The following PLXDC2 variants were observed in gnomAD, a reference collection of about 807,000 sequenced individuals.
PLXDC2 encodes plexin domain containing 2.
Under a neutral mutation model 68.9 loss-of-function variants are expected in PLXDC2, and 40 were observed. That is an observed-to-expected ratio of 0.58 (90% CI 0.45 to 0.76). The LOEUF (loss-of-function observed/expected upper bound fraction) is 0.76. Among genes scored for constraint, PLXDC2 ranks in the 30% least tolerant of loss-of-function variants. PLXDC2 has a pLI of 0.00. For missense variants in PLXDC2, 644 were observed against 661.9 expected, an observed-to-expected ratio of 0.97 and a Z score of 0.30; for synonymous variants, 243 against 234.2, an observed-to-expected ratio of 1.04 and a Z score of -0.34.
rs564031163 is a variant in PLXDC2 at position 20,207,819 on chromosome 10, G to A, written c.1062-3850G>A. Among the ~76,000 whole-genome samples, 230 of 152,178 alleles carry A rather than the reference G, an allele frequency of 1.5e-3. 1 individual carries two copies. Among genetic ancestry groups the A allele is most frequent in the Middle Eastern group, 3.4e-3 (1 of 292 alleles). On this transcript the variant is annotated intron_variant, in intron 9 of 13. Transcript: ENST00000377252. Reference sequence around the variant, plus strand: ...CACTTAAGCTTGTTCAACACAGATGGTAGGCATAAAATAGCTTAACTTCAA... The same window carrying A: ...CACTTAAGCTTGTTCAACACAGATGATAGGCATAAAATAGCTTAACTTCAA...
intron 1 of PLXDC2, among the ~76,000 whole-genome samples, chr10:19,928,005 G>T (rs1453594664): frequency 1.3e-5 from 2 of 152,004 alleles, no homozygotes; most frequent in Non-Finnish European, 2.9e-5. Flanking sequence ...ATGCTTTTGT[G>T]CACCCATAGC....
chr10:20,222,116 T>C (rs1237034141), intron 12 of PLXDC2, among the ~76,000 whole-genome samples: 1 of 152,156 alleles, frequency 6.6e-6, no homozygotes, highest in Non-Finnish European at 1.5e-5. Context: ...TGTACTTTTC[T>C]GGAAAAAGGG....
chr10:20,147,108 CA>C (rs1834090857), intron 5 of PLXDC2, among the ~76,000 whole-genome samples: 1 of 151,982 alleles, frequency 6.6e-6, no homozygotes, highest in Non-Finnish European at 1.5e-5. Context: ...ATTTCATGCC[CA>C]ATCGTTTATG....
intron 1 of PLXDC2, among the ~76,000 whole-genome samples, chr10:19,949,123 CAAAAAAAAAAA>C (rs60138814): frequency 3.6e-5 from 3 of 82,922 alleles, no homozygotes; most frequent in East Asian, 3.5e-4. Context: ...GAGACTTTGT[CAAAAAAAAAAA>C]AAAAAAAAAA....
chr10:19,862,741 G>T (rs926157047), intron 1 of PLXDC2, among the ~76,000 whole-genome samples: 1 of 152,194 alleles, frequency 6.6e-6, no homozygotes, highest in Admixed American at 6.5e-5. Flanking sequence ...GGAAGTAAAT[G>T]GTGTAGGATC....
chr10:20,244,835 G>T (rs918805617), intron 12 of PLXDC2, among the ~76,000 whole-genome samples: 3 of 152,186 alleles, frequency 2.0e-5, no homozygotes, highest in South Asian at 4.1e-4. Flanking sequence ...TAAAACACAG[G>T]CCAGGTGCGG....
chr10:19,988,881 C>T lies in PLXDC2; in HGVS notation c.113-12894C>T, dbSNP rs1331175274. On this transcript the variant is annotated intron_variant, in intron 1 of 13. Coordinates refer to ENST00000377252, the MANE Select transcript of PLXDC2 (RefSeq NM_032812.9). The stretch of plus-strand genomic sequence containing the variant: ...CGCCATCTCTGCTCACTGCAACCTC[C>T]GCCTCCCCCGTTCAGGAGATTCTCT... Among the ~76,000 whole-genome samples, 11 of 148,140 alleles carry T rather than the reference C, an allele frequency of 7.4e-5. No homozygotes were observed. In the East Asian group the frequency reaches 1.0e-3, roughly 14 times the overall value.
rs1215540636 is a variant in PLXDC2, at chr10:20,147,866, G to A, written c.747G>A (p.Leu249=). 2.5e-6 allele frequency: 4 copies of A among 1,611,290 alleles called. No individual in the cohort carries two copies. Among genetic ancestry groups the A allele is most frequent in the Non-Finnish European group, 3.4e-6 (4 of 1,177,574 alleles). The change falls in exon 6 of 14, where the codon CTG becomes CTA. Residue 249 remains leucine (L), a synonymous_variant. Transcript: ENST00000377252. ...GAAGCTTCACATTCCAGGCAACCCT[G>A]CTCATGGATGGACGAATCATCTTTG... The part of the protein sequence containing the change: ...NLGSFTFQAT[L]LMDGRIIFGY...
chr10:19,891,154 G>A (rs1258739222), intron 1 of PLXDC2, among the ~76,000 whole-genome samples: 2 of 152,104 alleles, frequency 1.3e-5, no homozygotes, highest in South Asian at 2.1e-4. Context: ...ACCCAGTTGA[G>A]GAGTTAGAAT....
At chr10:20,255,415 C>A (rs1389119330) in intron 13 of PLXDC2, among the ~76,000 whole-genome samples, 4 of 152,044 alleles carry the variant, frequency 2.6e-5, no homozygotes, top group African/African-American at 9.7e-5. Flanking sequence ...CTGACAGTAC[C>A]AACTGTTGAA....
At chr10:20,015,828 C>T (rs530973393) in intron 2 of PLXDC2, among the ~76,000 whole-genome samples, 11 of 152,290 alleles carry the variant, frequency 7.2e-5, no homozygotes, top group African/African-American at 1.2e-4. Flanking sequence ...CATAAATCCC[C>T]GTGAGCCTTG....
chr10:19,940,965 T>C (rs970707634), intron 1 of PLXDC2, among the ~76,000 whole-genome samples: 3 of 152,198 alleles, frequency 2.0e-5, no homozygotes, highest in African/African-American at 7.2e-5. Context: ...ACCTAAAGAA[T>C]TTCAGGGTGA....
At chr10:19,820,814 A>G (rs1422864075) in intron 1 of PLXDC2, among the ~76,000 whole-genome samples, 5 of 152,136 alleles carry the variant, frequency 3.3e-5, no homozygotes, top group Non-Finnish European at 5.9e-5. Flanking sequence ...ACGGCAGCTC[A>G]TGCCTGTAAT....
intron 1 of PLXDC2, among the ~76,000 whole-genome samples, chr10:19,888,425 A>G (rs1460714173): frequency 1.3e-5 from 2 of 152,196 alleles, no homozygotes. Context: ...GATTACCAAG[A>G]GCGGGGTGCA....
intron 2 of PLXDC2, among the ~76,000 whole-genome samples, chr10:20,005,803 A>C (rs1461712877): frequency 6.6e-6 from 1 of 152,130 alleles, no homozygotes; most frequent in Non-Finnish European, 1.5e-5. Flanking sequence ...ACCAGGCCCC[A>C]CCTCCAACAC....
intron 7 of PLXDC2, among the ~76,000 whole-genome samples, chr10:20,172,876 C>T (rs183428047): frequency 4.6e-5 from 7 of 152,252 alleles, no homozygotes; most frequent in East Asian, 1.9e-4. Context: ...TAGCATTTCA[C>T]GCTCAACTAA....
intron 9 of PLXDC2, among the ~76,000 whole-genome samples, chr10:20,193,427 A>G (rs1834795254): frequency 6.6e-6 from 1 of 152,076 alleles, no homozygotes. Flanking sequence ...ACTTTTAATG[A>G]GTATTATTAA....
chr10:19,923,921 T>C (rs1408599853), intron 1 of PLXDC2, among the ~76,000 whole-genome samples: 1 of 152,022 alleles, frequency 6.6e-6, no homozygotes, highest in African/African-American at 2.4e-5. Flanking sequence ...AAAAATTAGC[T>C]TCATTTGGAG....
rs1588539773 is a variant in PLXDC2 at position 20,244,613 on chromosome 10, C to G, written c.1313-732C>G. On this transcript the variant is annotated intron_variant, in intron 12 of 13. Transcript: ENST00000377252. ...AGACTTTCTGAAAATGCCTATAGAG[C>G]TTATCAAAAGATGTCCGATACTCTT... Among the ~76,000 whole-genome samples, 3 of 152,222 alleles carry G rather than the reference C, an allele frequency of 2.0e-5. No homozygotes were observed. The South Asian group carries it at 6.2e-4, about 32-fold the overall frequency.
Sources: allele counts gnomAD v4.1 joint callset (sites outside exome capture counted in the v4.1 genomes callset), GRCh38; gene constraint gnomAD v4.1.1; transcripts MANE v1.5; gene names NCBI Gene and HGNC (gene_info 2026-07-23, HGNC 2026-07-21).